Variants in TMEM232 observed in about 807,000 individuals in gnomAD.
The protein encoded by TMEM232 is transmembrane protein 232.
Under a neutral mutation model 78.8 loss-of-function variants are expected in TMEM232, and 80 were observed. The ratio of observed to expected loss-of-function variants is 1.01; its 90% CI spans 0.85 to 1.22. The LOEUF is 1.22. Ranked by LOEUF, TMEM232 falls within the 50% of genes most tolerant of loss-of-function variation. The pLI, the probability that TMEM232 is intolerant of heterozygous loss-of-function variation, is 0.00. For synonymous variants in TMEM232, 297 were observed against 254.3 expected, an observed-to-expected ratio of 1.17 and a Z score of -1.60; for missense variants, 881 against 742.2, an observed-to-expected ratio of 1.19 and a Z score of -2.17.
At chr5:110,689,632 T>A (rs1385539428) in intron 1 of TMEM232, among the ~76,000 whole-genome samples, 2 of 152,152 alleles carry the variant, frequency 1.3e-5, no homozygotes, top group East Asian at 3.9e-4. Context: ...AGGAGAAAAC[T>A]TCTTTAAATT....
At position 110,429,277 on chromosome 5, in the gene TMEM232, C is replaced by T. The variant is rs73782490; in HGVS notation, c.1704-4361G>A. On this transcript the variant is annotated intron_variant, in intron 12 of 13. Coordinates refer to ENST00000455884, the MANE Select transcript of TMEM232 (RefSeq NM_001039763.4). ...GAGAGATCTACCTGGATGGATTATG[C>T]AAGATTGTCCCAATAGGATGATGAT... 4.2e-3 allele frequency among the ~76,000 whole-genome samples: 642 copies of T among 151,752 alleles called. 4 individuals carry two copies. The highest frequency in any genetic ancestry group is 0.015 in the African/African-American group (617 of 41,468).
intron 2 of TMEM232, among the ~76,000 whole-genome samples, chr5:110,399,737 C>T (rs1395639991): frequency 6.6e-6 from 1 of 152,154 alleles, no homozygotes; most frequent in African/African-American, 2.4e-5. Context: ...AATGACTTCA[C>T]ATCAACACAC....
intron 12 of TMEM232, among the ~76,000 whole-genome samples, chr5:110,427,056 T>A (rs1450555772): frequency 1.3e-5 from 2 of 151,798 alleles, no homozygotes; most frequent in Non-Finnish European, 2.9e-5. Flanking sequence ...AGTTGAATTT[T>A]GTGCTAGAAA....
intron 10 of TMEM232, among the ~76,000 whole-genome samples, chr5:110,591,582 A>G (rs1779539508): frequency 6.6e-6 from 1 of 152,178 alleles, no homozygotes; most frequent in African/African-American, 2.4e-5. Flanking sequence ...GCACTAGGTA[A>G]TATGCCAAGC....
intron 12 of TMEM232, among the ~76,000 whole-genome samples, chr5:110,431,458 A>G (rs563100272): frequency 6.6e-6 from 1 of 151,858 alleles, no homozygotes; most frequent in African/African-American, 2.4e-5. Flanking sequence ...CAAGATGCAT[A>G]GCAGAAGAAG....
intron 1 of TMEM232, among the ~76,000 whole-genome samples, chr5:110,712,224 G>A (rs1013097115): frequency 6.6e-6 from 1 of 151,636 alleles, no homozygotes; most frequent in Non-Finnish European, 1.5e-5. Context: ...ATGAACACAG[G>A]CAACCAAAGC....
chr5:110,432,016 T>G (rs564403506), intron 12 of TMEM232, among the ~76,000 whole-genome samples: 25 of 151,864 alleles, frequency 1.6e-4, no homozygotes, highest in East Asian at 5.8e-4. Flanking sequence ...TTAAAAACTT[T>G]AAATACTTGA....
chr5:110,560,067 A>G (rs1775565852), intron 11 of TMEM232, among the ~76,000 whole-genome samples: 1 of 152,172 alleles, frequency 6.6e-6, no homozygotes, highest in African/African-American at 2.4e-5. Flanking sequence ...TTATTTCCAA[A>G]TATGATTCAT....
At chr5:110,681,051 C>G (rs1340242942) in intron 1 of TMEM232, among the ~76,000 whole-genome samples, 1 of 152,094 alleles carries the variant, frequency 6.6e-6, no homozygotes, top group Admixed American at 6.6e-5. Context: ...CACCAGGATT[C>G]TGCCAATACC....
chr5:110,652,005 C>G (rs1460651073), intron 2 of TMEM232, among the ~76,000 whole-genome samples: 1 of 152,008 alleles, frequency 6.6e-6, no homozygotes, highest in Non-Finnish European at 1.5e-5. Context: ...ATATATACTG[C>G]TTGAAATGTA....
intron 12 of TMEM232, among the ~76,000 whole-genome samples, chr5:110,463,185 A>ATC (rs1761720420): frequency 6.6e-6 from 1 of 152,158 alleles, no homozygotes; most frequent in African/African-American, 2.4e-5. Context: ...AGCCACCCAA[A>ATC]TCTTCAACAA....
intron 10 of TMEM232, among the ~76,000 whole-genome samples, chr5:110,570,138 T>G (rs1254963483): frequency 1.3e-5 from 2 of 151,956 alleles, no homozygotes; most frequent in Non-Finnish European, 2.9e-5. Flanking sequence ...GGAGAGAAAG[T>G]ATAAGCTGGA....
At chr5:110,529,328 C>A (rs1771084684) in intron 11 of TMEM232, among the ~76,000 whole-genome samples, 1 of 152,072 alleles carries the variant, frequency 6.6e-6, no homozygotes, top group African/African-American at 2.4e-5. Flanking sequence ...TCACTGCAAC[C>A]TCCATCTCCT....
intron 10 of TMEM232, among the ~76,000 whole-genome samples, chr5:110,584,627 GTC>G (rs1778597219): frequency 6.6e-6 from 1 of 152,182 alleles, no homozygotes; most frequent in African/African-American, 2.4e-5. Flanking sequence ...AATTAGTGAT[GTC>G]TCTGTCTGTG....
chr5:110,535,187 G>C (rs969720775), intron 11 of TMEM232, among the ~76,000 whole-genome samples: 7 of 151,960 alleles, frequency 4.6e-5, no homozygotes, highest in African/African-American at 7.2e-5. Flanking sequence ...CCAGATGACC[G>C]GTTCCTGCCT....
chr5:110,417,115 T>C (rs1478031827), downstream of TMEM232, among the ~76,000 whole-genome samples: 1 of 152,146 alleles, frequency 6.6e-6, no homozygotes, highest in Non-Finnish European at 1.5e-5. Context: ...AAACCCATAA[T>C]AAATAAATGT....
At chr5:110,712,893 C>T (rs1199962518) in intron 1 of TMEM232, among the ~76,000 whole-genome samples, 1 of 151,996 alleles carries the variant, frequency 6.6e-6, no homozygotes, top group Non-Finnish European at 1.5e-5. Flanking sequence ...TAACATCTAG[C>T]AATATAACTG....
At chr5:110,604,368 C>T (rs1034557712) in intron 10 of TMEM232, among the ~76,000 whole-genome samples, 3 of 151,898 alleles carry the variant, frequency 2.0e-5, no homozygotes, top group East Asian at 3.9e-4. Flanking sequence ...CATAAGACAG[C>T]TACTATTTGA....
intron 2 of TMEM232, among the ~76,000 whole-genome samples, chr5:110,656,068 A>C (rs1190032804): frequency 6.6e-6 from 1 of 152,024 alleles, no homozygotes; most frequent in Non-Finnish European, 1.5e-5. Flanking sequence ...AAAAAAAACA[A>C]TACTTTAATT....
Sources: allele counts gnomAD v4.1 joint callset (sites outside exome capture counted in the v4.1 genomes callset), GRCh38; gene constraint gnomAD v4.1.1; transcripts MANE v1.5; gene names NCBI Gene and HGNC (gene_info 2026-07-23, HGNC 2026-07-21).